NPDC1: variants seen among roughly 807,000 people sequenced by gnomAD.
NPDC1 encodes neural proliferation, differentiation and control 1, also known as neural proliferation differentiation and control protein 1.
NPDC1 carries 18 observed loss-of-function variants against 32.5 expected under a neutral mutation model. That is an observed-to-expected ratio of 0.55 (90% CI 0.38 to 0.82). The LOEUF (loss-of-function observed/expected upper bound fraction) is 0.82, where lower values mean the gene tolerates loss of function less well. Ranked by LOEUF, NPDC1 falls within the 40% of genes least tolerant of loss-of-function variation. The pLI is 0.00. For synonymous variants in NPDC1, 210 were observed against 184.7 expected (o/e 1.14, Z -1.11); for missense variants, 468 against 406.6 (o/e 1.15, Z -1.30).
At chr9:137,040,305 T>TGGGGATG in intron 7 of NPDC1, 52 bp downstream of exon 7, 2 of 889,978 alleles carry the variant, frequency 2.2e-6, no homozygotes, top group Non-Finnish European at 1.3e-6. Flanking sequence ...GAGGTGGAGG[T>TGGGGATG]GGGGATGGGG....
chr9:137,041,171 C>T lies in NPDC1; in HGVS notation c.276G>A (p.Gln92=), dbSNP rs1199451134. The change falls in exon 3 of 9, where the codon CAG becomes CAA. Residue 92 remains glutamine, a synonymous_variant. Coordinates refer to ENST00000371601, the MANE Select transcript of NPDC1 (RefSeq NM_015392.4). The part of the protein sequence containing the change: ...MRRPPGGGRP[Q]PRLEDEIDFL... ...AGTCAATCTCATCTTCCAGTCTGGG[C>T]TGGGGCCGGCCCCCGCCTGGGGAGG... The T allele has an allele frequency of 3.4e-6, 5 of 1,456,730 alleles. No individual in the cohort carries two copies. The highest frequency in any genetic ancestry group is 3.6e-6 in the Non-Finnish European group (4 of 1,103,136). 90.2% of individuals were successfully genotyped at this position (1,456,730 alleles called of 1,614,324 possible).
At chr9:137,043,441 C>T in intron 1 of NPDC1, 1 of 648,530 alleles carries the variant, frequency 1.5e-6, no homozygotes, top group Non-Finnish European at 2.9e-6. Context: ...AGCCAGGAAC[C>T]CCGTCCAGAT....
rs773428474 is a variant in NPDC1, at chr9:137,042,965, T to C, written c.221A>G (p.Gln74Arg). The change falls in exon 2 of 9, where the codon CAG becomes CGG. Residue 74 changes from glutamine (Q) to arginine (R), a missense_variant. Transcript: ENST00000371601. ...GPCLQPFQED[Q>R]QGLCVPRMRR... ...CATCCTGGGCACACAGAGCCCTTGC[T>C]GGTCCTCCTGGAAGGGCTGAAGGCA... 7 of 1,610,948 alleles carry C rather than the reference T, an allele frequency of 4.3e-6. No homozygotes were observed. The South Asian group carries it at 5.5e-5, about 13-fold the overall frequency.
At position 137,040,448 on chromosome 9, in the gene NPDC1, A is replaced by G. The variant is rs1429243164; in HGVS notation, c.709-12T>C. Reference sequence around the variant, plus strand: ...CGCTGGTCCCCAGGCTGTGGGAAGGAGGAGGCGAGGGTCAGTTGGCGGCCA... The same window carrying G: ...CGCTGGTCCCCAGGCTGTGGGAAGGGGGAGGCGAGGGTCAGTTGGCGGCCA... On this transcript the variant is annotated splice_polypyrimidine_tract_variant and intron_variant, in intron 6 of 8. Transcript: ENST00000371601. The G allele has an allele frequency of 1.3e-6, 2 of 1,557,806 alleles. No individual in the cohort carries two copies. The highest frequency in any genetic ancestry group is 1.9e-5 in the Admixed American group (1 of 51,714).
Position 137,041,095 on chromosome 9 carries a change from G to C in NPDC1, c.352C>G (p.Leu118Val). The C allele has an allele frequency of 3.9e-6, 6 of 1,529,380 alleles. No individual in the cohort carries two copies. Among genetic ancestry groups the C allele is most frequent in the African/African-American group, 1.4e-5 (1 of 72,052 alleles). 94.7% of individuals were successfully genotyped at this position (1,529,380 alleles called of 1,614,324 possible). Reference protein sequence around the residue: ...RKESGHSTPPLPKDRQRLPEP... With the variant: ...RKESGHSTPPVPKDRQRLPEP... The stretch of plus-strand genomic sequence containing the variant: ...GGGAGCCGCTGTCGGTCCTTGGGTA[G>C]GGGCGGAGTTGAGTGTCCAGACTCC... Residue 118 changes from leucine (L) to valine (V), a missense_variant, in exon 3 of 9, where the codon CTA becomes GTA. Physicochemically the swap from Leu to Val is conservative, Grantham distance 32 (BLOSUM62 1). Coordinates refer to ENST00000371601, the MANE Select transcript of NPDC1 (RefSeq NM_015392.4).
intron 1 of NPDC1, among the ~76,000 whole-genome samples, chr9:137,044,670 T>C (rs1304718884): frequency 6.6e-6 from 1 of 152,126 alleles, no homozygotes; most frequent in African/African-American, 2.4e-5. Context: ...AGGAGTTGCC[T>C]AGGGAGGGCC....
intron 1 of NPDC1, among the ~76,000 whole-genome samples, chr9:137,044,369 G>A (rs941396824): frequency 5.3e-5 from 8 of 152,180 alleles, no homozygotes; most frequent in African/African-American, 1.9e-4. Context: ...GGGCCCACCC[G>A]CCAACTTGGC....
intron 2 of NPDC1, among the ~76,000 whole-genome samples, chr9:137,042,556 CTTCTTT>C (rs1170883716): frequency 6.6e-5 from 8 of 121,288 alleles, no homozygotes; most frequent in African/African-American, 2.6e-4. Context: ...TGCTCCCGGC[CTTCTTT>C]TTTTTTTTTT....
intron 7 of NPDC1, 102 bp downstream of exon 7, chr9:137,040,255 G>T: frequency 1.8e-6 from 2 of 1,124,298 alleles, no homozygotes; most frequent in South Asian, 1.5e-5. Flanking sequence ...GGTGAGGGTG[G>T]CAGGGCCTGG....
intron 4 of NPDC1, 37 bp downstream of exon 4, chr9:137,040,777 G>A (rs542940976): frequency 1.2e-4 from 185 of 1,583,846 alleles, no homozygotes; most frequent in Non-Finnish European, 1.5e-4. Flanking sequence ...TCTGCAGGGC[G>A]CCCTGCTGCC....
intron 2 of NPDC1, 104 bp downstream of exon 2, chr9:137,042,823 G>T: frequency 2.2e-6 from 3 of 1,395,046 alleles, no homozygotes; most frequent in South Asian, 1.4e-5. Context: ...CTCCCACAGT[G>T]CTGGGATTAC....
At chr9:137,040,304 G>T in intron 7 of NPDC1, 53 bp downstream of exon 7, 1 of 1,478,190 alleles carries the variant, frequency 6.8e-7, no homozygotes, top group Non-Finnish European at 9.1e-7. Context: ...GGAGGTGGAG[G>T]TGGGGATGGG....
intron 3 of NPDC1, 32 bp downstream of exon 3, chr9:137,041,030 G>A: frequency 3.3e-6 from 5 of 1,521,350 alleles, no homozygotes; most frequent in Non-Finnish European, 4.4e-6. Flanking sequence ...GCTAGGGACA[G>A]GGCCGTGGGG....
At position 137,039,788 on chromosome 9, in the gene NPDC1, G is replaced by C. The variant is rs561798211; in HGVS notation, c.962C>G (p.Pro321Arg). 2.6e-6 allele frequency: 2 copies of C among 774,888 alleles called. No homozygotes were observed. The highest frequency in any genetic ancestry group is 3.4e-5 in the Admixed American group (2 of 58,704). The allele number at this position is 774,888 out of a possible 1,614,324, so 48.0% of individuals were successfully genotyped here. A position where few individuals can be genotyped will look rare whatever the true frequency, so the allele number is the denominator to read the frequency against. The change falls in exon 9 of 9, where the codon CCG (proline) becomes CGG (arginine). Residue 321 changes from proline (P) to arginine (R), a missense_variant. Transcript: ENST00000371601. The stretch of plus-strand genomic sequence containing the variant: ...GCCTCCAGGTCATGGCAGTGCAGGC[G>C]GTGAGCTGGGGGCCGGCAGGGGCGC... ...LSAPLPAPSSPPALP is the reference protein window; with the variant it reads ...LSAPLPAPSSRPALP
chr9:137,043,066 G>A lies in NPDC1; in HGVS notation c.120C>T (p.Ala40=), dbSNP rs145554537. ...RGAAAGHPDV[A]ACPGSLDCAL... is the part of the protein sequence containing the mutation. ...CACAGTCCAGGCTCCCGGGACAGGCGGCTACATCTGGGAAGGAAGCAGAAG... is the reference window on the plus strand; with the variant it reads ...CACAGTCCAGGCTCCCGGGACAGGCAGCTACATCTGGGAAGGAAGCAGAAG... Residue 40 remains alanine, a synonymous_variant, in exon 2 of 9, where the codon GCC becomes GCT. Transcript: ENST00000371601. 131 of 1,612,388 alleles carry A rather than the reference G, an allele frequency of 8.1e-5. No homozygotes were observed. The highest frequency in any genetic ancestry group is 3.3e-4 in the Middle Eastern group (2 of 6,084).
At chr9:137,041,277 G>A in intron 2 of NPDC1, 90 bp from the exon 3 acceptor site, 1 of 1,310,402 alleles carries the variant, frequency 7.6e-7, no homozygotes, top group East Asian at 3.0e-5. Flanking sequence ...GTTCCTCCCA[G>A]GAGCCTGAGG....
intron 2 of NPDC1, among the ~76,000 whole-genome samples, chr9:137,042,572 T>C (rs1832073700): frequency 6.9e-6 from 1 of 144,664 alleles, no homozygotes; most frequent in Admixed American, 6.9e-5. Context: ...TTTTTTTTTT[T>C]TTTTTTTTGA....
chr9:137,039,688 T>C lies in NPDC1; in HGVS notation c.*84A>G, dbSNP rs1273197224. On this transcript the variant is annotated 3_prime_UTR_variant, in exon 9 of 9. Transcript: ENST00000371601. ...GCCAAAAGCACACAGCATCAAAACA[T>C]GTTTTTAGTGGGAAGCTCCAGGCCC... The C allele has an allele frequency of 7.9e-6, 5 of 634,982 alleles. No individual in the cohort carries two copies. The highest frequency in any genetic ancestry group is 1.8e-5 in the African/African-American group (1 of 55,158). The allele number at this position is 634,982 out of a possible 1,614,324, so 39.3% of individuals were successfully genotyped here.
At chr9:137,040,245 G>A (rs1832025496) in intron 7 of NPDC1, 112 bp downstream of exon 7, 1 of 1,026,030 alleles carries the variant, frequency 9.7e-7, no homozygotes. Context: ...TTAGCGTGCA[G>A]GTGAGGGTGG....
Sources: gnomAD v4.1 joint callset for allele counts (sites outside exome capture counted in the v4.1 genomes callset) on GRCh38, gnomAD v4.1.1 for gene constraint, MANE v1.5 for transcripts, NCBI Gene and HGNC (gene_info 2026-07-23, HGNC 2026-07-21) for gene names.